Variants in ANKRD13C observed in about 807,000 individuals in gnomAD.
ANKRD13C encodes the protein ankyrin repeat domain-containing protein 13C.
In ANKRD13C, 16 loss-of-function variants were observed where a neutral mutation model predicts 65.5. The observed-to-expected ratio is 0.24, with a 90% CI of 0.17 to 0.37. The LOEUF (loss-of-function observed/expected upper bound fraction) is 0.37. Ranked by LOEUF, ANKRD13C falls within the 10% of genes least tolerant of loss-of-function variation. ANKRD13C has a pLI of 1.00. For synonymous variants in ANKRD13C, 235 were observed against 238.7 expected (o/e 0.98, Z 0.14); for missense variants, 503 against 655.9 (o/e 0.77, Z 2.55).
chr1:70,312,368 G>C (rs1375761584), intron 5 of ANKRD13C, among the ~76,000 whole-genome samples: 2 of 137,264 alleles, frequency 1.5e-5, no homozygotes, highest in African/African-American at 5.3e-5. Flanking sequence ...TTCTATTACT[G>C]TTTTTTTTTT....
chr1:70,306,121 C>G (rs529443996), intron 6 of ANKRD13C, 103 bp downstream of exon 6: 8 of 681,318 alleles, frequency 1.2e-5, no homozygotes, highest in Non-Finnish European at 1.8e-5. Context: ...TCTGTTACAG[C>G]ATTTTAACGT....
intron 1 of ANKRD13C, among the ~76,000 whole-genome samples, chr1:70,349,952 A>T (rs1682678212): frequency 6.6e-6 from 1 of 152,156 alleles, no homozygotes; most frequent in African/African-American, 2.4e-5. Flanking sequence ...CCTGGCCAAC[A>T]CGGTGAAACC....
At chr1:70,324,617 A>G (rs543337156) in intron 3 of ANKRD13C, among the ~76,000 whole-genome samples, 1 of 152,186 alleles carries the variant, frequency 6.6e-6, no homozygotes, top group Admixed American at 6.5e-5. Flanking sequence ...AGAGAACATC[A>G]GTAAGGTAGA....
chr1:70,353,467 T>G (rs1682841127), intron 1 of ANKRD13C, among the ~76,000 whole-genome samples: 1 of 152,182 alleles, frequency 6.6e-6, no homozygotes, highest in Non-Finnish European at 1.5e-5. Context: ...TTCAGAAATC[T>G]AACATTCTAA....
chr1:70,306,360 A>C, intron 5 of ANKRD13C, 70 bp from the exon 6 acceptor site: 1 of 959,110 alleles, frequency 1.0e-6, no homozygotes, highest in Non-Finnish European at 1.6e-6. Flanking sequence ...CTTTTAAATT[A>C]AAAGAGTAAT....
At chr1:70,272,231 CT>C (rs59343202) in intron 11 of ANKRD13C, among the ~76,000 whole-genome samples, 50 of 139,686 alleles carry the variant, frequency 3.6e-4, no homozygotes, top group Non-Finnish European at 3.0e-4. Flanking sequence ...TTCTCTATTT[CT>C]TTTTTTTTTT....
chr1:70,279,221 A>G (rs759475047), intron 9 of ANKRD13C, among the ~76,000 whole-genome samples: 3 of 151,552 alleles, frequency 2.0e-5, no homozygotes, highest in Non-Finnish European at 4.4e-5. Context: ...GAAATTAAAA[A>G]AGAGAGAGAG....
At chr1:70,287,465 T>C (rs762237269) in intron 9 of ANKRD13C, among the ~76,000 whole-genome samples, 4 of 151,980 alleles carry the variant, frequency 2.6e-5, no homozygotes, top group Admixed American at 1.3e-4. Flanking sequence ...TTTCCTTAAA[T>C]GTAAAATATA....
chr1:70,352,339 C>CAAAAAAAAA (rs397965041), intron 1 of ANKRD13C, among the ~76,000 whole-genome samples: 1 of 60,796 alleles, frequency 1.6e-5, no homozygotes, highest in Non-Finnish European at 3.1e-5. Flanking sequence ...GACTCCGTCT[C>CAAAAAAAAA]AAAAAAAAAA....
In ANKRD13C at chr1:70,263,353, A is replaced by G. The variant is rs556981132; in HGVS notation, c.1496-506T>C. 1.4e-4 allele frequency among the ~76,000 whole-genome samples: 21 copies of G among 152,346 alleles called. No individual in the cohort carries two copies. In the South Asian group the frequency reaches 4.3e-3, roughly 32 times the overall value. On this transcript the variant is annotated intron_variant, in intron 12 of 12. Transcript: ENST00000370944. ...TGTGGGATAAAAACAGTCTCATCAG[A>G]AATGGAAAAATATCATACCACCACA...
rs925602118 is a variant in ANKRD13C at position 70,287,394 on chromosome 1, A to AT, written c.1215+4993_1215+4994insA. Among the ~76,000 whole-genome samples, 376 of 152,078 alleles carry AT rather than the reference A, an allele frequency of 2.5e-3. 2 individuals carry two copies. Among genetic ancestry groups the AT allele is most frequent in the Non-Finnish European group, 3.6e-3 (243 of 67,994 alleles). ...GCAACTGGGCATCCAAGGCAAAAAAAAAATAAATAAACCTTTGACCTAAAC... is the reference window on the plus strand; with the variant it reads ...GCAACTGGGCATCCAAGGCAAAAAAATAAATAAATAAACCTTTGACCTAAAC... On this transcript the variant is annotated intron_variant, in intron 9 of 12. Transcript: ENST00000370944.
intron 9 of ANKRD13C, among the ~76,000 whole-genome samples, chr1:70,284,990 G>GAATC (rs1261984776): frequency 6.6e-6 from 1 of 152,014 alleles, no homozygotes; most frequent in Admixed American, 6.6e-5. Context: ...GGCCACTGGA[G>GAATC]AATCCTTCAT....
At chr1:70,340,015 A>C (rs1251016504) in intron 1 of ANKRD13C, among the ~76,000 whole-genome samples, 1 of 151,030 alleles carries the variant, frequency 6.6e-6, no homozygotes, top group African/African-American at 2.4e-5. Flanking sequence ...ACACCCAACT[A>C]ATTTTTTTTA....
chr1:70,287,018 TATAGA>T lies in ANKRD13C; in HGVS notation c.1215+5365_1215+5369del, dbSNP rs538081007. The stretch of plus-strand genomic sequence containing the variant: ...CAAAAAATAAAAATAAAATAAAGAC[TATAGA>T]ATATATAAACATAGAAATATAAAAA... On this transcript the variant is annotated intron_variant, in intron 9 of 12. Transcript: ENST00000370944. Among the ~76,000 whole-genome samples the T allele has an allele frequency of 1.7e-3, 260 of 151,962 alleles. 2 individuals carry two copies. The highest frequency in any genetic ancestry group is 3.4e-3 in the Middle Eastern group (1 of 294).
chr1:70,316,572 T>A (rs922145192), intron 3 of ANKRD13C, among the ~76,000 whole-genome samples: 3 of 151,466 alleles, frequency 2.0e-5, no homozygotes, highest in Non-Finnish European at 4.4e-5. Flanking sequence ...CCTGTGGTCC[T>A]AGCTACTTGG....
chr1:70,295,310 C>T (rs764218662), intron 8 of ANKRD13C, among the ~76,000 whole-genome samples: 26 of 151,552 alleles, frequency 1.7e-4, no homozygotes, highest in Admixed American at 3.9e-4. Context: ...TGCAGTGGTG[C>T]CATCTCGGCT....
chr1:70,303,455 G>T (rs540560480), intron 6 of ANKRD13C, among the ~76,000 whole-genome samples: 24 of 152,148 alleles, frequency 1.6e-4, no homozygotes, highest in African/African-American at 3.9e-4. Context: ...GGAACTAAAG[G>T]CTTCACTTCA....
intron 1 of ANKRD13C, among the ~76,000 whole-genome samples, chr1:70,347,771 C>T (rs950644550): frequency 6.6e-6 from 1 of 152,102 alleles, no homozygotes; most frequent in Admixed American, 6.6e-5. Flanking sequence ...TGACATTCAT[C>T]TAATAATGAA....
intron 3 of ANKRD13C, among the ~76,000 whole-genome samples, chr1:70,321,863 T>C (rs1001411165): frequency 5.3e-5 from 8 of 152,182 alleles, no homozygotes; most frequent in African/African-American, 1.2e-4. Context: ...AGCAAAATTA[T>C]CAGAAATCAG....
Sources: gnomAD v4.1 joint callset for allele counts (sites outside exome capture counted in the v4.1 genomes callset) on GRCh38, gnomAD v4.1.1 for gene constraint, MANE v1.5 for transcripts, NCBI Gene and HGNC (gene_info 2026-07-23, HGNC 2026-07-21) for gene names.